The following TESPA1 variants were observed in gnomAD, a reference collection of about 807,000 sequenced individuals.
TESPA1 encodes the protein protein TESPA1.
TESPA1 carries 33 observed loss-of-function variants against 57.9 expected under a neutral mutation model. The observed-to-expected ratio is 0.57, with a 90% CI of 0.43 to 0.76. TESPA1 has a LOEUF of 0.76. Among genes scored for constraint, TESPA1 ranks in the 30% least tolerant of loss-of-function variants. TESPA1 has a pLI of 0.00. For missense variants in TESPA1, 618 were observed against 632.9 expected (o/e 0.98, Z 0.25); for synonymous variants, 227 against 228.9 (o/e 0.99, Z 0.07).
chr12:54,973,647 C>T lies in TESPA1; in HGVS notation c.164-128G>A, dbSNP rs1951985106. 5 of 1,531,358 alleles carry T rather than the reference C, an allele frequency of 3.3e-6. No homozygotes were observed. In the African/African-American group the frequency reaches 5.5e-5, roughly 17 times the overall value. 94.9% of individuals were successfully genotyped at this position (1,531,358 alleles called of 1,614,324 possible). On this transcript the variant is annotated intron_variant, in intron 2 of 10. Transcript: ENST00000449076. The stretch of plus-strand genomic sequence containing the variant: ...CATGAATCTTTTTTTCTACATAAAG[C>T]TTTTCTTTAAGATATGAGAGGAATA...
chr12:54,981,433 AG>A (rs1198043236), intron 1 of TESPA1, among the ~76,000 whole-genome samples: 10 of 82,600 alleles, frequency 1.2e-4, no homozygotes, highest in African/African-American at 3.3e-4. Flanking sequence ...GGGTGGGGGG[AG>A]GGGGGAGAGA....
At position 54,969,055 on chromosome 12, in the gene TESPA1, G is replaced by GTGTGTGTAGA. The variant is rs141291892; in HGVS notation, c.207-1164_207-1163insTCTACACACA. Among the ~76,000 whole-genome samples the GTGTGTGTAGA allele has an allele frequency of 7.5e-4, 98 of 129,824 alleles. 1 individual carries two copies. Among genetic ancestry groups the GTGTGTGTAGA allele is most frequent in the African/African-American group, 2.6e-3 (91 of 34,794 alleles). The allele number at this position is 129,824 out of a possible 152,430, so 85.2% of individuals were successfully genotyped here. On this transcript the variant is annotated intron_variant, in intron 3 of 10. Transcript: ENST00000449076. Reference sequence around the variant, plus strand: ...TATATATATATATATATGTGTGTGTGTAGATAGATAGATATAGATATATCT... The same window carrying GTGTGTGTAGA: ...TATATATATATATATATGTGTGTGTGTGTGTGTAGATAGATAGATAGATATAGATATATCT...
Position 54,950,395 on chromosome 12 carries a change from A to T in TESPA1, c.*2-5T>A, listed in dbSNP as rs1244926863. ...TGTTGTGGTGGTGGAGAAAGCCTGC[A>T]ATGGGAATAAAAAAGATACATATCA... On this transcript the variant is annotated splice_region_variant and splice_polypyrimidine_tract_variant and intron_variant, in intron 10 of 10. Coordinates refer to ENST00000449076, the MANE Select transcript of TESPA1 (RefSeq NM_001136030.3). 2.2e-6 allele frequency: 1 copy of T among 453,552 alleles called. No individual in the cohort carries two copies. Among genetic ancestry groups the T allele is most frequent in the Non-Finnish European group, 4.4e-6 (1 of 225,844 alleles). The allele number at this position is 453,552 out of a possible 1,614,324, so 28.1% of individuals were successfully genotyped here. A position where few individuals can be genotyped will look rare whatever the true frequency, so the allele number is the denominator to read the frequency against.
At chr12:54,984,803 T>C (rs1041703992), upstream of TESPA1, 2 of 152,204 alleles carry the variant, frequency 1.3e-5, no homozygotes, top group African/African-American at 4.8e-5. Flanking sequence ...GTAGATGCAG[T>C]CCCCGCCTCC....
chr12:54,972,750 T>G (rs1387240662), intron 3 of TESPA1, among the ~76,000 whole-genome samples: 2 of 152,220 alleles, frequency 1.3e-5, no homozygotes, highest in East Asian at 3.8e-4. Flanking sequence ...AATGGGTTTC[T>G]TTATGCCAAT....
chr12:54,976,851 G>A (rs567255480), intron 1 of TESPA1, among the ~76,000 whole-genome samples: 8 of 151,904 alleles, frequency 5.3e-5, no homozygotes, highest in Non-Finnish European at 1.0e-4. Flanking sequence ...AAAATATATC[G>A]CAATAATATA....
chr12:54,964,644 T>C (rs1373378712), intron 7 of TESPA1, among the ~76,000 whole-genome samples: 1 of 152,224 alleles, frequency 6.6e-6, no homozygotes, highest in African/African-American at 2.4e-5. Context: ...CTGTTATTAT[T>C]TGAGGCTTTG....
upstream of TESPA1, chr12:54,984,779 A>T (rs1342111440): frequency 6.6e-6 from 1 of 152,396 alleles, no homozygotes; most frequent in Non-Finnish European, 1.5e-5. Flanking sequence ...CCACACACAC[A>T]CACATCCACA....
At chr12:54,974,711 G>A (rs1477856674) in intron 1 of TESPA1, 104 bp from the exon 2 acceptor site, 4 of 818,800 alleles carry the variant, frequency 4.9e-6, no homozygotes, top group African/African-American at 3.6e-5. Flanking sequence ...AAAGGAGCTT[G>A]GTCTCTCTGA....
In TESPA1 at chr12:54,968,044, G is replaced by A. The variant is rs1443601023; in HGVS notation, c.207-152C>T. 5.3e-6 allele frequency: 8 copies of A among 1,520,660 alleles called. No individual in the cohort carries two copies. In the South Asian group the frequency reaches 6.0e-5, roughly 11 times the overall value. 94.2% of individuals were successfully genotyped at this position (1,520,660 alleles called of 1,614,324 possible). A position where few individuals can be genotyped will look rare whatever the true frequency, so the allele number is the denominator to read the frequency against. On this transcript the variant is annotated intron_variant, in intron 3 of 10. Coordinates refer to ENST00000449076, the MANE Select transcript of TESPA1 (RefSeq NM_001136030.3). ...ATGTTGGAGAAAACAAAGACAGAGT[G>A]GTTACTTGTCTGAAAAATTCATAGA...
chr12:54,961,321 G>A, intron 9 of TESPA1, 54 bp from the exon 10 acceptor site: 1 of 1,604,272 alleles, frequency 6.2e-7, no homozygotes. Flanking sequence ...AAGGGGGTAA[G>A]GAAAGGTGCA....
intron 1 of TESPA1, among the ~76,000 whole-genome samples, chr12:54,977,933 C>T (rs1182064289): frequency 6.6e-6 from 1 of 151,918 alleles, no homozygotes; most frequent in Non-Finnish European, 1.5e-5. Context: ...ACAGCAATAT[C>T]AAGAGGCAAG....
intron 10 of TESPA1, among the ~76,000 whole-genome samples, chr12:54,955,629 C>T (rs72648128): frequency 0.21 from 31,223 of 152,090 alleles, 5,451 homozygotes; most frequent in East Asian, 0.84. Context: ...TTGTATCTGC[C>T]TGGCTATGTA....
chr12:54,976,271 C>T (rs1952131634), intron 1 of TESPA1, among the ~76,000 whole-genome samples: 1 of 152,182 alleles, frequency 6.6e-6, no homozygotes, highest in African/African-American at 2.4e-5. Flanking sequence ...CTAGAATGAC[C>T]TTAGGACAAG....
intron 1 of TESPA1, among the ~76,000 whole-genome samples, chr12:54,975,806 T>C (rs1486133613): frequency 6.6e-6 from 1 of 152,236 alleles, no homozygotes; most frequent in Non-Finnish European, 1.5e-5. Flanking sequence ...TAAAATAGCT[T>C]TTTTGAAAAG....
rs1246083715 is a variant in TESPA1 at position 54,950,399 on chromosome 12, G to A, written c.*2-9C>T. 1 of 450,524 alleles carries A rather than the reference G, an allele frequency of 2.2e-6. No individual in the cohort carries two copies. Among genetic ancestry groups the A allele is most frequent in the African/African-American group, 2.0e-5 (1 of 49,614 alleles). The allele number at this position is 450,524 out of a possible 1,614,324, so 27.9% of individuals were successfully genotyped here. A position where few individuals can be genotyped will look rare whatever the true frequency, so the allele number is the denominator to read the frequency against. On this transcript the variant is annotated splice_polypyrimidine_tract_variant and intron_variant, in intron 10 of 10. Coordinates refer to ENST00000449076, the MANE Select transcript of TESPA1 (RefSeq NM_001136030.3). ...GTGGTGGTGGAGAAAGCCTGCAATGGGAATAAAAAAGATACATATCATGCA... is the reference window on the plus strand; with the variant it reads ...GTGGTGGTGGAGAAAGCCTGCAATGAGAATAAAAAAGATACATATCATGCA...
intron 10 of TESPA1, among the ~76,000 whole-genome samples, chr12:54,955,011 A>G: frequency 6.6e-6 from 1 of 152,088 alleles, no homozygotes; most frequent in East Asian, 1.9e-4. Flanking sequence ...GAAACTTAGT[A>G]CTCTTTTCCA....
rs1951177332 is a variant in TESPA1 at position 54,962,896 on chromosome 12, A to T, written c.1002T>A (p.Ser334=). 3.1e-6 allele frequency: 5 copies of T among 1,613,648 alleles called. No individual in the cohort carries two copies. Among genetic ancestry groups the T allele is most frequent in the African/African-American group, 1.3e-5 (1 of 74,904 alleles). ...KEEKQFLQQD[S]DLGQFSQEDP... The stretch of plus-strand genomic sequence containing the variant: ...CTTCCTGTGAGAATTGCCCCAAATC[A>T]GAGTCTTGCTGGAGGAACTGCTTCT... The change falls in exon 9 of 11, where the codon TCT becomes TCA. Residue 334 remains serine, a synonymous_variant. Transcript: ENST00000449076.
At chr12:54,953,940 T>C (rs1950569435) in intron 10 of TESPA1, among the ~76,000 whole-genome samples, 1 of 152,248 alleles carries the variant, frequency 6.6e-6, no homozygotes, top group African/African-American at 2.4e-5. Context: ...GATTCTCTTG[T>C]CATGTTTTTC....
Sources: gnomAD v4.1 joint callset for allele counts (sites outside exome capture counted in the v4.1 genomes callset) on GRCh38, gnomAD v4.1.1 for gene constraint, MANE v1.5 for transcripts, NCBI Gene and HGNC (gene_info 2026-07-23, HGNC 2026-07-21) for gene names.